ZNF649: variants seen among roughly 807,000 people sequenced by gnomAD.
ZNF649 encodes zinc finger protein 649.
A neutral mutation model predicts 14.1 loss-of-function variants in ZNF649; 7 were observed. The observed-to-expected ratio is 0.49, with a 90% CI of 0.28 to 0.93. The LOEUF is 0.93. ZNF649 is among the 40% of genes least tolerant of loss of function. The pLI is 0.10. For synonymous variants in ZNF649, 227 were observed against 212.3 expected, an observed-to-expected ratio of 1.07 and a Z score of -0.60; for missense variants, 544 against 608.1, an observed-to-expected ratio of 0.89 and a Z score of 1.11.
At position 51,890,975 on chromosome 19, in the gene ZNF649, T is replaced by C; in HGVS notation, c.1161A>G (p.Ser387=). 1 of 1,614,010 alleles carries C rather than the reference T, an allele frequency of 6.2e-7. No individual in the cohort carries two copies. Among genetic ancestry groups the C allele is most frequent in the Non-Finnish European group, 8.5e-7 (1 of 1,179,956 alleles). ...PECGQPCSQK[S]GLIRHQKIHS... is the part of the protein sequence containing the mutation. ...GAATTTTCTGATGTCTAATGAGTCCTGACTTCTGTGAACAGGGTTGCCCAC... is the reference window on the plus strand; with the variant it reads ...GAATTTTCTGATGTCTAATGAGTCCCGACTTCTGTGAACAGGGTTGCCCAC... Residue 387 remains serine (S), a synonymous_variant, in exon 5 of 5, where the codon TCA becomes TCG. Transcript: ENST00000354957.
intron 2 of ZNF649, among the ~76,000 whole-genome samples, chr19:51,898,095 CAAAAAAAAAA>C (rs34792714): frequency 1.2e-5 from 1 of 84,378 alleles, no homozygotes; most frequent in Non-Finnish European, 2.5e-5. Flanking sequence ...AAGACTGTCT[CAAAAAAAAAA>C]AAAAAAAAAA....
chr19:51,899,234 AT>A (rs1011817007), intron 2 of ZNF649, among the ~76,000 whole-genome samples: 74 of 152,348 alleles, frequency 4.9e-4, no homozygotes, highest in African/African-American at 1.6e-3. Flanking sequence ...CATTTGCATA[AT>A]TTTTTAAGTT....
chr19:51,894,982 GA>G (rs2085050854), intron 4 of ZNF649, among the ~76,000 whole-genome samples: 2 of 152,214 alleles, frequency 1.3e-5, no homozygotes, highest in South Asian at 4.1e-4. Context: ...TTAATAGATG[GA>G]AAAGTATGAC....
In ZNF649 at chr19:51,891,564, G is replaced by C; in HGVS notation, c.572C>G (p.Ser191Cys). ...AATTCTCTTATGCTCAGTGAGCTGA[G>C]ACTTCTTGAGGAAAGCTTTCCCACA... ...TDCGKAFLKK[S>C]QLTEHKRIHT... The change falls in exon 5 of 5, where the codon TCT (serine) becomes TGT (cysteine). Residue 191 changes from serine to cysteine, a missense_variant. Physicochemically the swap from Ser to Cys is moderately radical, Grantham distance 112. Transcript: ENST00000354957. This position sits in a 1 kb window ranked among gnomAD's most constrained non-coding sequence, Gnocchi z 4.2. The C allele has an allele frequency of 6.2e-7, 1 of 1,614,212 alleles. No individual in the cohort carries two copies. The highest frequency in any genetic ancestry group is 8.5e-7 in the Non-Finnish European group (1 of 1,180,038).
At chr19:51,900,697 C>T (rs912114404) in intron 1 of ZNF649, among the ~76,000 whole-genome samples, 3 of 152,150 alleles carry the variant, frequency 2.0e-5, no homozygotes, top group African/African-American at 7.2e-5. Flanking sequence ...GCCAGCACCC[C>T]ATAAGCCTTT....
At position 51,890,648 on chromosome 19, in the gene ZNF649, C is replaced by A. The variant is rs747601363; in HGVS notation, c.1488G>T (p.Gln496His). The stretch of plus-strand genomic sequence containing the variant: ...AATGCAGGATGTGGGCAAACTCACA[C>A]TGCCCTGCCACCATTGCCACAGTTA... ...NMVTVAMVAG[Q>H]CEFAHILHS Residue 496 changes from glutamine to histidine, a missense_variant, in exon 5 of 5, where the codon CAG becomes CAT. Physicochemically the swap from Gln to His is conservative, Grantham distance 24. Coordinates refer to ENST00000354957, the MANE Select transcript of ZNF649 (RefSeq NM_023074.4). 1 of 1,613,138 alleles carries A rather than the reference C, an allele frequency of 6.2e-7. No individual in the cohort carries two copies. Among genetic ancestry groups the A allele is most frequent in the East Asian group, 2.2e-5 (1 of 44,872 alleles).
intron 1 of ZNF649, 192 bp from the exon 2 acceptor site, chr19:51,900,486 G>T (rs2085088366): frequency 5.2e-6 from 1 of 193,814 alleles, no homozygotes; most frequent in Non-Finnish European, 1.0e-5. Flanking sequence ...TATGGCAGTG[G>T]GCTTAACCAG....
chr19:51,897,074 TG>T, intron 2 of ZNF649, 96 bp from the exon 3 acceptor site: 5 of 1,536,612 alleles, frequency 3.3e-6, no homozygotes, highest in Non-Finnish European at 4.5e-6. Flanking sequence ...AAGCTGCACC[TG>T]CACAGTTGTC....
chr19:51,898,421 C>A (rs879527781), intron 2 of ZNF649, among the ~76,000 whole-genome samples: 3 of 152,080 alleles, frequency 2.0e-5, no homozygotes, highest in Admixed American at 2.0e-4. Flanking sequence ...AAATGTCACA[C>A]AATTACAGTT....
rs1568454888 is a variant in ZNF649, at chr19:51,891,659, G to A, written c.477C>T (p.Ile159=). 1 of 1,614,162 alleles carries A rather than the reference G, an allele frequency of 6.2e-7. No homozygotes were observed. The highest frequency in any genetic ancestry group is 2.2e-5 in the East Asian group (1 of 44,888). ...GTTTAAGGAATTGTGACTTGGTGCT[G>A]ATGGGTTTTCTACTTTCAGGGAATT... ...EIEFPESRKP[I]STKSQFLKHQ... The change falls in exon 5 of 5, where the codon ATC becomes ATT. Residue 159 remains isoleucine (I), a synonymous_variant. Coordinates refer to ENST00000354957, the MANE Select transcript of ZNF649 (RefSeq NM_023074.4). The surrounding 1 kb of genome is among the most constrained non-coding windows in gnomAD (Gnocchi z 4.2).
rs752421561 is a variant in ZNF649 at position 51,890,732 on chromosome 19, T to C, written c.1404A>G (p.Thr468=). ...GDSVKVENPS[T]ASHSLSPSEH... is the part of the protein sequence containing the mutation. ...CACTAGGACTTAAGCTGTGACTTGC[T>C]GTGGAAGGATTTTCCACCTTCACTG... The change falls in exon 5 of 5, where the codon ACA becomes ACG. Residue 468 remains threonine, a synonymous_variant. Coordinates refer to ENST00000354957, the MANE Select transcript of ZNF649 (RefSeq NM_023074.4). 2.5e-6 allele frequency: 4 copies of C among 1,614,258 alleles called. No individual in the cohort carries two copies. The highest frequency in any genetic ancestry group is 3.4e-6 in the Non-Finnish European group (4 of 1,180,046).
At chr19:51,893,427 C>A (rs1038083078) in intron 4 of ZNF649, among the ~76,000 whole-genome samples, 7 of 152,034 alleles carry the variant, frequency 4.6e-5, no homozygotes, top group African/African-American at 1.7e-4. Flanking sequence ...GTTTTTTCCA[C>A]TTCCTCAAAG....
Position 51,890,757 on chromosome 19 carries a change from G to A in ZNF649, c.1379C>T (p.Ser460Leu). Residue 460 changes from serine (S) to leucine (L), a missense_variant, in exon 5 of 5, where the codon TCA becomes TTA. Coordinates refer to ENST00000354957, the MANE Select transcript of ZNF649 (RefSeq NM_023074.4). ...TGTGGAAGGATTTTCCACCTTCACTGAATCCCCCCGTTTCTCCCTTGAGTG... is the reference window on the plus strand; with the variant it reads ...TGTGGAAGGATTTTCCACCTTCACTAAATCCCCCCGTTTCTCCCTTGAGTG... ...RIHSREKRGD[S>L]VKVENPSTAS... 6.2e-7 allele frequency: 1 copy of A among 1,614,196 alleles called. No homozygotes were observed. Among genetic ancestry groups the A allele is most frequent in the African/African-American group, 1.3e-5 (1 of 75,056 alleles).
intron 3 of ZNF649, 77 bp from the exon 4 acceptor site, chr19:51,896,644 T>C (rs1482345446): frequency 2.0e-6 from 3 of 1,537,650 alleles, no homozygotes; most frequent in South Asian, 2.2e-5. Context: ...GAAAGGTACA[T>C]GTTAGGGACT....
At chr19:51,897,149 T>C in intron 2 of ZNF649, 171 bp from the exon 3 acceptor site, 1 of 825,672 alleles carries the variant, frequency 1.2e-6, no homozygotes, top group Non-Finnish European at 1.9e-6. Context: ...TGCATACTCA[T>C]GACCTACAGT....
Position 51,900,083 on chromosome 19 carries a change from C to G in ZNF649, c.15+10G>C. 6.6e-7 allele frequency: 1 copy of G among 1,521,476 alleles called. No individual in the cohort carries two copies. Among genetic ancestry groups the G allele is most frequent in the Non-Finnish European group, 8.8e-7 (1 of 1,133,882 alleles). The allele number at this position is 1,521,476 out of a possible 1,614,324, so 94.2% of individuals were successfully genotyped here. A position where few individuals can be genotyped will look rare whatever the true frequency, so the allele number is the denominator to read the frequency against. On this transcript the variant is annotated intron_variant, in intron 2 of 4. Coordinates refer to ENST00000354957, the MANE Select transcript of ZNF649 (RefSeq NM_023074.4). ...GAATCGAGTTAAGAATAAAACAAAC[C>G]AAAAGTTACCTGGGCCTTTGTCATT...
intron 4 of ZNF649, among the ~76,000 whole-genome samples, chr19:51,892,418 C>T (rs2085030243): frequency 1.3e-5 from 2 of 152,058 alleles, no homozygotes; most frequent in Admixed American, 1.3e-4. Flanking sequence ...GTGGCTCATG[C>T]CTGTAATCCC....
rs1442076063 is a variant in ZNF649 at position 51,904,938 on chromosome 19, A to C, written c.-212T>G. 6.6e-6 allele frequency: 1 copy of C among 152,298 alleles called. No individual in the cohort carries two copies. The highest frequency in any genetic ancestry group is 1.5e-5 in the Non-Finnish European group (1 of 68,284). 9.4% of individuals were successfully genotyped at this position (152,298 alleles called of 1,614,324 possible). A position where few individuals can be genotyped will look rare whatever the true frequency, so the allele number is the denominator to read the frequency against. ...CCTGATTTTCTTCTGGCTACACCTA[A>C]ATTCCCTGAATGCTTCCTTTCCTGG... On this transcript the variant is annotated 5_prime_UTR_variant, in exon 1 of 5. In the 5' UTR this introduces an upstream ATG that the reference lacks. Transcript: ENST00000354957.
rs773766078 is a variant in ZNF649, at chr19:51,891,545, C to T, written c.591G>A (p.Lys197=). ...GGGGTTTCTTTCCTGTATGAATTCT[C>T]TTATGCTCAGTGAGCTGAGACTTCT... ...FLKKSQLTEH[K]RIHTGKKPHV... The change falls in exon 5 of 5, where the codon AAG becomes AAA. Residue 197 remains lysine, a synonymous_variant. Transcript: ENST00000354957. The surrounding 1 kb of genome is among the most constrained non-coding windows in gnomAD (Gnocchi z 4.2). 1.2e-6 allele frequency: 2 copies of T among 1,614,206 alleles called. No homozygotes were observed. Among genetic ancestry groups the T allele is most frequent in the Admixed American group, 3.3e-5 (2 of 60,024 alleles).
Sources: gnomAD v4.1 joint callset for allele counts (sites outside exome capture counted in the v4.1 genomes callset) on GRCh38, gnomAD v4.1.1 for gene constraint, Gnocchi (gnomAD v3.1) non-coding constraint, MANE v1.5 for transcripts, NCBI Gene and HGNC (gene_info 2026-07-23, HGNC 2026-07-21) for gene names.